Variants in RALB observed in about 807,000 individuals in gnomAD.
The protein encoded by RALB is ras-related protein Ral-B.
RALB carries 16 observed loss-of-function variants against 21.3 expected under a neutral mutation model. The observed-to-expected ratio is 0.75, with a 90% CI of 0.51 to 1.14. The LOEUF (loss-of-function observed/expected upper bound fraction) is 1.14. Ranked by LOEUF, RALB falls within the 50% of genes most tolerant of loss-of-function variation. The pLI is 0.00. For synonymous variants in RALB, 93 were observed against 96.1 expected, an observed-to-expected ratio of 0.97 and a Z score of 0.19; for missense variants, 161 against 256.2, an observed-to-expected ratio of 0.63 and a Z score of 2.54.
At chr2:120,288,997 T>C (rs4849849) in intron 3 of RALB, among the ~76,000 whole-genome samples, 105,907 of 152,010 alleles carry the variant, frequency 0.7, 37,519 homozygotes, top group Middle Eastern at 0.8. Context: ...TGAGATTCCC[T>C]TGGATATTTC....
At chr2:120,280,810 C>T (rs1182828544) in intron 2 of RALB, 1 of 380,208 alleles carries the variant, frequency 2.6e-6, no homozygotes, top group African/African-American at 2.2e-5. Flanking sequence ...AAAGGAAAGA[C>T]TAAATTATTT....
At chr2:120,292,361 A>T (rs1262673661) in intron 4 of RALB, among the ~76,000 whole-genome samples, 1 of 152,142 alleles carries the variant, frequency 6.6e-6, no homozygotes, top group African/African-American at 2.4e-5. Flanking sequence ...TCCTTCTCCC[A>T]TCCTACTGCC....
chr2:120,263,665 T>C (rs1360335122), intron 1 of RALB, among the ~76,000 whole-genome samples: 1 of 151,584 alleles, frequency 6.6e-6, no homozygotes, highest in East Asian at 1.9e-4. Context: ...GCTCAAGCAA[T>C]CCTCCCACCT....
chr2:120,292,560 T>C (rs751702306), intron 4 of RALB, among the ~76,000 whole-genome samples: 42 of 152,362 alleles, frequency 2.8e-4, no homozygotes, highest in African/African-American at 8.9e-4. Context: ...CTTGCTGTTA[T>C]TACTCTCAAT....
At chr2:120,277,520 G>A (rs551714358) in intron 1 of RALB, among the ~76,000 whole-genome samples, 177 of 143,184 alleles carry the variant, frequency 1.2e-3, no homozygotes, top group African/African-American at 4.6e-3. Context: ...ACGTTAGAGC[G>A]TATGTGAGTG....
chr2:120,284,166 A>C (rs760988434), intron 2 of RALB, among the ~76,000 whole-genome samples: 1 of 149,346 alleles, frequency 6.7e-6, no homozygotes. Flanking sequence ...TCACATCTCT[A>C]TTTGGAGATA....
At chr2:120,271,381 G>A (rs1319113454) in intron 1 of RALB, among the ~76,000 whole-genome samples, 1 of 152,128 alleles carries the variant, frequency 6.6e-6, no homozygotes, top group Non-Finnish European at 1.5e-5. Flanking sequence ...CAGTGCTCTT[G>A]CCCCACTTTC....
chr2:120,276,317 C>G (rs537988835), intron 1 of RALB, among the ~76,000 whole-genome samples: 48 of 152,256 alleles, frequency 3.2e-4, no homozygotes, highest in African/African-American at 1.1e-3. Context: ...AAGGGAAGTT[C>G]TGGCCAGGTG....
chr2:120,287,821 G>A (rs1690204099), intron 3 of RALB, among the ~76,000 whole-genome samples: 1 of 152,256 alleles, frequency 6.6e-6, no homozygotes, highest in Non-Finnish European at 1.5e-5. Flanking sequence ...GAAAGAAGGG[G>A]AAGTTGACCT....
Position 120,293,078 on chromosome 2 carries a change from G to GA in RALB, c.502-56dup, listed in dbSNP as rs1690344876. ...TGTTCACAGTGTCAGGTTAACAAAA[G>GA]AAAAAAATCATTAAATGGCTCTTTC... On this transcript the variant is annotated intron_variant, in intron 4 of 4. Transcript: ENST00000272519. 15 of 1,503,156 alleles carry GA rather than the reference G, an allele frequency of 1.0e-5. 1 individual carries two copies. Among genetic ancestry groups the GA allele is most frequent in the East Asian group, 4.8e-5 (2 of 41,574 alleles). 93.1% of individuals were successfully genotyped at this position (1,503,156 alleles called of 1,614,324 possible). A position where few individuals can be genotyped will look rare whatever the true frequency, so the allele number is the denominator to read the frequency against.
At chr2:120,286,942 T>G (rs1329359142) in intron 3 of RALB, among the ~76,000 whole-genome samples, 1 of 151,420 alleles carries the variant, frequency 6.6e-6, no homozygotes, top group Non-Finnish European at 1.5e-5. Flanking sequence ...GGCATAATTC[T>G]TATGCTCTAT....
chr2:120,251,161 A>G (rs899007700), upstream of RALB, among the ~76,000 whole-genome samples: 1 of 152,164 alleles, frequency 6.6e-6, no homozygotes, highest in African/African-American at 2.4e-5. Context: ...TCCCTCAACT[A>G]TCATACCCTT....
At chr2:120,277,149 T>C (rs1170384350) in intron 1 of RALB, among the ~76,000 whole-genome samples, 3 of 152,190 alleles carry the variant, frequency 2.0e-5, no homozygotes, top group Non-Finnish European at 4.4e-5. Context: ...TTAACTCTCA[T>C]GTCATGAAGG....
chr2:120,256,255 T>G (rs965163252), intron 1 of RALB, among the ~76,000 whole-genome samples: 7 of 152,192 alleles, frequency 4.6e-5, no homozygotes, highest in Non-Finnish European at 7.3e-5. Context: ...TGTGGGCCTA[T>G]GCACAGGGCT....
chr2:120,262,262 T>C (rs908289012), intron 1 of RALB, among the ~76,000 whole-genome samples: 1 of 151,952 alleles, frequency 6.6e-6, no homozygotes, highest in African/African-American at 2.4e-5. Flanking sequence ...CAGGTGACAT[T>C]GGGGAGGGAG....
chr2:120,286,818 A>G (rs529787830), intron 3 of RALB, among the ~76,000 whole-genome samples: 6 of 152,346 alleles, frequency 3.9e-5, no homozygotes, highest in African/African-American at 1.4e-4. Context: ...ATTGTTATTT[A>G]TTTTAAAATA....
At chr2:120,250,806 G>A (rs886378025), upstream of RALB, among the ~76,000 whole-genome samples, 1 of 152,212 alleles carries the variant, frequency 6.6e-6, no homozygotes, top group South Asian at 2.1e-4. Context: ...TCTCCCGTTG[G>A]GACACGTTTC....
rs556638030 is a variant in RALB, at chr2:120,277,293, G to A, written c.-47-1325G>A. On this transcript the variant is annotated intron_variant, in intron 1 of 4. Transcript: ENST00000272519. ...TGCATGGGAGCATGTGCGAGAGCGT[G>A]TGTGTTCTGTGAACGTGTTACAGCA... Among the ~76,000 whole-genome samples the A allele has an allele frequency of 4.9e-4, 75 of 152,104 alleles. 1 individual carries two copies. The East Asian group carries it at 0.012, about 24-fold the overall frequency.
At chr2:120,280,042 C>A (rs1252167122) in intron 2 of RALB, among the ~76,000 whole-genome samples, 1 of 152,310 alleles carries the variant, frequency 6.6e-6, no homozygotes, top group South Asian at 2.1e-4. Context: ...GTGCGAACAT[C>A]GTGATGTGAG....
Sources: allele counts gnomAD v4.1 joint callset (sites outside exome capture counted in the v4.1 genomes callset), GRCh38; gene constraint gnomAD v4.1.1; transcripts MANE v1.5; gene names NCBI Gene and HGNC (gene_info 2026-07-23, HGNC 2026-07-21).